Variants in TIAM2 observed in about 807,000 individuals in gnomAD.
TIAM2 encodes the protein rho guanine nucleotide exchange factor TIAM2.
In TIAM2, 80 loss-of-function variants were observed where a neutral mutation model predicts 152.9. The observed-to-expected ratio is 0.52, with a 90% CI of 0.44 to 0.63. TIAM2 has a LOEUF of 0.63. TIAM2 is among the 30% of genes least tolerant of loss of function. The pLI is 0.00. For missense variants in TIAM2, 1,965 were observed against 2,120.1 expected, an observed-to-expected ratio of 0.93 and a Z score of 1.44; for synonymous variants, 804 against 838.0, an observed-to-expected ratio of 0.96 and a Z score of 0.70.
Position 155,179,063 on chromosome 6 carries a change from T to C in TIAM2, c.2548T>C (p.Tyr850His), listed in dbSNP as rs919306169. The change falls in exon 11 of 27, where the codon TAT becomes CAT. Residue 850 changes from tyrosine (Y) to histidine (H), a missense_variant. Physicochemically the swap from Tyr to His is moderately conservative, Grantham distance 83. Around this residue, in one of 3 missense-constraint regions of TIAM2, gnomAD observed 1,025 missense variants for 1,119.4 expected, o/e 0.92. Transcript: ENST00000682666. Reference sequence around the variant, plus strand: ...GATGAGGCAGTTGGAACCCAGCCATTATGGCCTACAGCTTCGAAAATTAGT... The same window carrying C: ...GATGAGGCAGTTGGAACCCAGCCATCATGGCCTACAGCTTCGAAAATTAGT... Reference protein sequence around the residue: ...CKMRQLEPSHYGLQLRKLVDD... With the variant: ...CKMRQLEPSHHGLQLRKLVDD... The C allele has an allele frequency of 6.2e-7, 1 of 1,614,036 alleles. No homozygotes were observed. Among genetic ancestry groups the C allele is most frequent in the East Asian group, 2.2e-5 (1 of 44,878 alleles).
In TIAM2 at chr6:155,030,461, G is replaced by A. The variant is rs548391785; in HGVS notation, c.-209+34969G>A. On this transcript the variant is annotated intron_variant, in intron 1 of 26. Transcript: ENST00000682666. ...AAGGTCGAGAAGGAGCAATAGGCAG[G>A]GATTTGACCTCGTCTGGTTGTTAGG... Among the ~76,000 whole-genome samples, 5 of 152,188 alleles carry A rather than the reference G, an allele frequency of 3.3e-5. No individual in the cohort carries two copies. In the East Asian group the frequency reaches 9.6e-4, roughly 29 times the overall value.
At chr6:155,002,673 T>TTTTATTTATTTATTTGTTTATTTA (rs1778331889) in intron 1 of TIAM2, among the ~76,000 whole-genome samples, 1 of 150,156 alleles carries the variant, frequency 6.7e-6, no homozygotes, top group Non-Finnish European at 1.5e-5. Flanking sequence ...GCTTTGCTTG[T>TTTTATTTATTTATTTGTTTATTTA]TTTATTTATT....
Position 155,257,007 on chromosome 6 carries a change from A to G in TIAM2, c.4992A>G (p.Glu1664=). The G allele has an allele frequency of 6.2e-7, 1 of 1,614,194 alleles. No homozygotes were observed. The change falls in exon 27 of 27, where the codon GAA becomes GAG. Residue 1664 remains glutamate (E), a synonymous_variant. Coordinates refer to ENST00000682666, the MANE Select transcript of TIAM2 (RefSeq NM_012454.4). ...IRHQSLDSQS[E]NATIDLNSVL... is the part of the protein sequence containing the mutation. The stretch of plus-strand genomic sequence containing the variant: ...ACCAGTCCCTTGACAGTCAGTCTGA[A>G]AATGCCACCATCGACCTAAATTCTG...
chr6:155,047,939 C>G (rs1777238112), intron 1 of TIAM2, among the ~76,000 whole-genome samples: 1 of 152,032 alleles, frequency 6.6e-6, no homozygotes, highest in South Asian at 2.1e-4. Flanking sequence ...TGGGCCTCAG[C>G]AAGGGTTATT....
intron 8 of TIAM2, 75 bp downstream of exon 8, chr6:155,164,675 GCCATCGGCACTTGT>G: frequency 6.6e-7 from 1 of 1,522,786 alleles, no homozygotes; most frequent in Non-Finnish European, 8.9e-7. Flanking sequence ...TCAGCTTGTT[GCCATCGGCACTTGT>G]GGGGCTTGAC....
At chr6:155,029,255 ATG>A (rs1347011499) in intron 1 of TIAM2, among the ~76,000 whole-genome samples, 1 of 109,412 alleles carries the variant, frequency 9.1e-6, no homozygotes, top group Non-Finnish European at 1.8e-5. Context: ...TATATGTACT[ATG>A]TGTTATATAC....
At chr6:155,158,800 A>G (rs1554235795) in intron 7 of TIAM2, among the ~76,000 whole-genome samples, 1 of 149,734 alleles carries the variant, frequency 6.7e-6, no homozygotes, top group African/African-American at 2.4e-5. Context: ...TTTTTATATC[A>G]TATCTTGATG....
intron 1 of TIAM2, among the ~76,000 whole-genome samples, chr6:155,006,102 C>A (rs533838671): frequency 6.6e-6 from 1 of 152,160 alleles, no homozygotes; most frequent in Non-Finnish European, 1.5e-5. Flanking sequence ...GAGGCTCCCA[C>A]GTGTAGCCCC....
intron 2 of TIAM2, chr6:155,121,789 G>C (rs559919589): frequency 6.6e-6 from 1 of 152,314 alleles, no homozygotes; most frequent in East Asian, 1.9e-4. Flanking sequence ...TTCCTCTCAC[G>C]GTCTTGGCCA....
intron 4 of TIAM2, among the ~76,000 whole-genome samples, chr6:155,135,220 T>C (rs1460833716): frequency 6.6e-6 from 1 of 152,212 alleles, no homozygotes; most frequent in Non-Finnish European, 1.5e-5. Flanking sequence ...TCATGGCTCC[T>C]GGGTATTTGG....
chr6:155,125,028 G>C (rs1302387434), intron 2 of TIAM2, among the ~76,000 whole-genome samples: 2 of 152,058 alleles, frequency 1.3e-5, no homozygotes, highest in African/African-American at 4.8e-5. Flanking sequence ...TGTAATCCCA[G>C]CACTTTGGGA....
At position 155,045,122 on chromosome 6, in the gene TIAM2, C is replaced by T. The variant is rs1777142961; in HGVS notation, c.-208-45167C>T. Among the ~76,000 whole-genome samples the T allele has an allele frequency of 5.5e-5, 8 of 146,618 alleles. No homozygotes were observed. The South Asian group carries it at 1.7e-3, about 32-fold the overall frequency. On this transcript the variant is annotated intron_variant, in intron 1 of 26. Coordinates refer to ENST00000682666, the MANE Select transcript of TIAM2 (RefSeq NM_012454.4). ...CTGGAGTGCAGTGGCGCGATCTCGG[C>T]TCACTGCAGCCTCTGCCCACTGCAA... is the stretch of plus-strand genomic sequence containing the variant.
chr6:155,147,868 C>T (rs934117173), intron 6 of TIAM2, among the ~76,000 whole-genome samples: 1 of 152,216 alleles, frequency 6.6e-6, no homozygotes, highest in Non-Finnish European at 1.5e-5. Context: ...TTGGCTAGCA[C>T]TCGTTTCTGG....
chr6:155,064,463 A>C (rs1777647240), intron 1 of TIAM2, among the ~76,000 whole-genome samples: 1 of 152,126 alleles, frequency 6.6e-6, no homozygotes, highest in Admixed American at 6.5e-5. Context: ...GTGAATTGTG[A>C]ATATAGTTTG....
intron 7 of TIAM2, among the ~76,000 whole-genome samples, chr6:155,163,961 A>AT (rs71558240): frequency 0.43 from 61,331 of 143,542 alleles, 14,196 homozygotes; most frequent in East Asian, 0.53. Flanking sequence ...GACCCAGTGC[A>AT]TTTTGTTTTT....
At chr6:155,099,156 C>T (rs1778490830) in intron 2 of TIAM2, among the ~76,000 whole-genome samples, 1 of 151,978 alleles carries the variant, frequency 6.6e-6, no homozygotes, top group Non-Finnish European at 1.5e-5. Context: ...CACTGCACTC[C>T]AGCCTGGGCA....
chr6:155,072,329 G>C (rs906729476), intron 1 of TIAM2, among the ~76,000 whole-genome samples: 1 of 152,170 alleles, frequency 6.6e-6, no homozygotes, highest in Non-Finnish European at 1.5e-5. Flanking sequence ...CCGAGGCATC[G>C]GGCTAGGATC....
At position 155,029,343 on chromosome 6, in the gene TIAM2, AATAT is replaced by A. The variant is rs574781323; in HGVS notation, c.-209+33857_-209+33860del. Among the ~76,000 whole-genome samples the A allele has an allele frequency of 7.2e-3, 760 of 104,958 alleles. 122 individuals carry two copies. The highest frequency in any genetic ancestry group is 0.027 in the African/African-American group (726 of 26,926). The allele number at this position is 104,958 out of a possible 152,430, so 68.9% of individuals were successfully genotyped here. ...ACTATATGTACTATGTGTTATATAT[AATAT>A]ATATACGTTATATATAATATATACT... On this transcript the variant is annotated intron_variant, in intron 1 of 26. Coordinates refer to ENST00000682666, the MANE Select transcript of TIAM2 (RefSeq NM_012454.4).
At chr6:155,119,950 A>G (rs1779113242) in intron 2 of TIAM2, among the ~76,000 whole-genome samples, 1 of 152,190 alleles carries the variant, frequency 6.6e-6, no homozygotes, top group Admixed American at 6.5e-5. Context: ...TTCATTTAAA[A>G]ATACTGGTAT....
Sources: allele counts gnomAD v4.1 joint callset (sites outside exome capture counted in the v4.1 genomes callset), GRCh38; gene constraint gnomAD v4.1.1; regional missense constraint gnomAD v4.1.1; transcripts MANE v1.5; gene names NCBI Gene and HGNC (gene_info 2026-07-23, HGNC 2026-07-21).